C18orf54: variants seen among roughly 807,000 people sequenced by gnomAD.
C18orf54 encodes chromosome 18 open reading frame 54.
C18orf54 carries 49 observed loss-of-function variants against 49.3 expected under a neutral mutation model. The ratio of observed to expected loss-of-function variants is 0.99; its 90% confidence interval spans 0.79 to 1.26. The LOEUF is 1.26. Among genes scored for constraint, C18orf54 ranks in the 50% most tolerant of loss-of-function variants. The pLI is 0.00. For synonymous variants in C18orf54, 211 were observed against 216.6 expected, an observed-to-expected ratio of 0.97 and a Z score of 0.23; for missense variants, 687 against 620.6, an observed-to-expected ratio of 1.11 and a Z score of -1.14.
intron 8 of C18orf54, among the ~76,000 whole-genome samples, chr18:54,377,025 TAAATTTAA>T (rs2089586131): frequency 6.6e-6 from 1 of 151,498 alleles, no homozygotes; most frequent in Non-Finnish European, 1.5e-5. Flanking sequence ...GTTTTTTTTT[TAAATTTAA>T]TTTTGTTTTT....
At chr18:54,360,082 T>C (rs16958085) in intron 2 of C18orf54, among the ~76,000 whole-genome samples, 95 of 152,326 alleles carry the variant, frequency 6.2e-4, no homozygotes, top group African/African-American at 2.3e-3. Context: ...ATTTGATGGC[T>C]TTAAAAAATT....
At chr18:54,358,149 T>G (rs910757142) in intron 1 of C18orf54, 74 bp downstream of exon 1, 6 of 152,078 alleles carry the variant, frequency 3.9e-5, no homozygotes, top group African/African-American at 1.5e-4. Context: ...GAAAGGAGGG[T>G]GTCTTTTCGA....
In C18orf54 at chr18:54,362,312, T is replaced by C. The variant is rs1247731904; in HGVS notation, c.953T>C (p.Phe318Ser). The change falls in exon 4 of 9, where the codon TTT (phenylalanine) becomes TCT (serine). Residue 318 changes from phenylalanine to serine, a missense_variant. By Grantham distance (155) the Phe-to-Ser change is radical. Transcript: ENST00000620105. ...GAATATGCTTTTGAACCCTCAAACT[T>C]TTCAAATTCCTTGAGTGATGATAAA... ...CFEYAFEPSN[F>S]SNSLSDDKEL... is the part of the protein sequence containing the mutation. 2.5e-5 allele frequency: 38 copies of C among 1,536,254 alleles called. No homozygotes were observed. The highest frequency in any genetic ancestry group is 3.3e-5 in the Non-Finnish European group (38 of 1,146,894).
chr18:54,364,164 T>C (rs1426884921), intron 5 of C18orf54, among the ~76,000 whole-genome samples: 1 of 152,022 alleles, frequency 6.6e-6, no homozygotes, highest in African/African-American at 2.4e-5. Context: ...TTAAACTTGA[T>C]TTGATAATGA....
chr18:54,364,699 G>A (rs564707192), intron 5 of C18orf54, among the ~76,000 whole-genome samples: 2 of 67,514 alleles, frequency 3.0e-5, no homozygotes, highest in South Asian at 4.5e-4. Flanking sequence ...GAACCTCTGT[G>A]TACTCTTCAA....
intron 5 of C18orf54, among the ~76,000 whole-genome samples, chr18:54,364,330 A>T (rs142636808): frequency 1.5e-4 from 23 of 152,258 alleles, no homozygotes; most frequent in African/African-American, 4.3e-4. Flanking sequence ...GCTTAAAATT[A>T]TTGAATGCAC....
At position 54,360,512 on chromosome 18, in the gene C18orf54, G is replaced by A. The variant is rs118019249; in HGVS notation, c.-46-15G>A. On this transcript the variant is annotated splice_polypyrimidine_tract_variant and intron_variant, in intron 2 of 8. Coordinates refer to ENST00000620105, the MANE Select transcript of C18orf54 (RefSeq NM_001288980.2). ...CTTTTAATTGGCATCTTAACATTTC[G>A]TTTTTGTATTACAGTTGTTTTTAAG... 8.0e-3 allele frequency: 12,252 copies of A among 1,540,122 alleles called. 67 individuals carry two copies. The highest frequency in any genetic ancestry group is 9.9e-3 in the Non-Finnish European group (11,273 of 1,135,062).
Position 54,378,298 on chromosome 18 carries a change from G to C in C18orf54, c.*52G>C. On this transcript the variant is annotated 3_prime_UTR_variant, in exon 9 of 9. Coordinates refer to ENST00000620105, the MANE Select transcript of C18orf54 (RefSeq NM_001288980.2). The stretch of plus-strand genomic sequence containing the variant: ...TGAATAGTCACCACAGAACAAATAG[G>C]CATTTTTTCTATTACTTAAACTGAC... 1 of 1,473,070 alleles carries C rather than the reference G, an allele frequency of 6.8e-7. No individual in the cohort carries two copies. Among genetic ancestry groups the C allele is most frequent in the Admixed American group, 1.7e-5 (1 of 58,156 alleles). 91.2% of individuals were successfully genotyped at this position (1,473,070 alleles called of 1,614,324 possible).
At chr18:54,373,919 C>T (rs2089529286) in intron 7 of C18orf54, among the ~76,000 whole-genome samples, 1 of 151,808 alleles carries the variant, frequency 6.6e-6, no homozygotes, top group Non-Finnish European at 1.5e-5. Context: ...TTTCCCCTCT[C>T]ATTCTAAACA....
chr18:54,362,155 C>T lies in C18orf54; in HGVS notation c.796C>T (p.His266Tyr). 6.5e-7 allele frequency: 1 copy of T among 1,536,226 alleles called. No individual in the cohort carries two copies. Among genetic ancestry groups the T allele is most frequent in the Non-Finnish European group, 8.7e-7 (1 of 1,146,896 alleles). ...IPDFKYPVWL[H>Y]NQDLLPDANS... ...TGATTTCAAATACCCAGTCTGGCTGCACAATCAAGACTTGCTACCTGATGC... is the reference window on the plus strand; with the variant it reads ...TGATTTCAAATACCCAGTCTGGCTGTACAATCAAGACTTGCTACCTGATGC... Residue 266 changes from histidine (H) to tyrosine (Y), a missense_variant, in exon 4 of 9, where the codon CAC becomes TAC. By Grantham distance (83) the His-to-Tyr change is moderately conservative. Transcript: ENST00000620105.
intron 6 of C18orf54, among the ~76,000 whole-genome samples, chr18:54,367,592 T>C (rs1236411205): frequency 6.6e-6 from 1 of 152,184 alleles, no homozygotes; most frequent in Non-Finnish European, 1.5e-5. Flanking sequence ...CTACTGTCAG[T>C]CTAATGGGAA....
rs1193343892 is a variant in C18orf54, at chr18:54,374,250, G to A, written c.1495G>A (p.Glu499Lys). 6 of 1,584,208 alleles carry A rather than the reference G, an allele frequency of 3.8e-6. No homozygotes were observed. In the African/African-American group the frequency reaches 4.1e-5, roughly 11 times the overall value. The change falls in exon 8 of 9, where the codon GAA (glutamate) becomes AAA (lysine). Residue 499 changes from glutamate to lysine, a missense_variant. Coordinates refer to ENST00000620105, the MANE Select transcript of C18orf54 (RefSeq NM_001288980.2). ...TGATTTCTCTAAATTACAGTTGAAG[G>A]AAAGTATGATTCCTATTACTAGGTC... ...EDDFSKLQLK[E>K]SMIPITRSLQ...
intron 6 of C18orf54, among the ~76,000 whole-genome samples, chr18:54,367,785 G>GT (rs2089413392): frequency 6.6e-6 from 1 of 152,044 alleles, no homozygotes; most frequent in Non-Finnish European, 1.5e-5. Flanking sequence ...ATTTCATTAG[G>GT]TTTTCTGTGC....
chr18:54,365,098 T>A (rs1262572274), intron 5 of C18orf54, among the ~76,000 whole-genome samples: 9 of 151,934 alleles, frequency 5.9e-5, no homozygotes, highest in Admixed American at 5.9e-4. Context: ...GAAAATTAAT[T>A]CAGTTTATGC....
intron 5 of C18orf54, among the ~76,000 whole-genome samples, chr18:54,364,596 G>A (rs1021134012): frequency 5.3e-5 from 8 of 152,038 alleles, no homozygotes; most frequent in Admixed American, 2.0e-4. Flanking sequence ...ATTTTAAGTG[G>A]TAGAGCAAAA....
At chr18:54,373,756 T>C (rs2089527203) in intron 7 of C18orf54, among the ~76,000 whole-genome samples, 2 of 151,906 alleles carry the variant, frequency 1.3e-5, no homozygotes, top group South Asian at 2.1e-4. Context: ...TTTATTGTTA[T>C]TCAGTAGATC....
rs2089505445 is a variant in C18orf54, at chr18:54,372,539, C to T, written c.1400C>T (p.Ala467Val). 3 of 1,610,496 alleles carry T rather than the reference C, an allele frequency of 1.9e-6. No homozygotes were observed. The Admixed American group carries it at 5.0e-5, about 27-fold the overall frequency. The change falls in exon 7 of 9, where the codon GCA becomes GTA. Residue 467 changes from alanine to valine, a missense_variant. Coordinates refer to ENST00000620105, the MANE Select transcript of C18orf54 (RefSeq NM_001288980.2). ...AAACAAATGTTATTTAACCTTCAAGCAGTACAAGAACGTTTTAATCAAAAT... is the reference window on the plus strand; with the variant it reads ...AAACAAATGTTATTTAACCTTCAAGTAGTACAAGAACGTTTTAATCAAAAT... ...ALKQMLFNLQ[A>V]VQERFNQNKT...
rs544918205 is a variant in C18orf54 at position 54,378,229 on chromosome 18, C to T, written c.1585C>T (p.Arg529Trp). The T allele has an allele frequency of 3.3e-5, 54 of 1,613,130 alleles. No homozygotes were observed. Among genetic ancestry groups the T allele is most frequent in the South Asian group, 2.9e-4 (26 of 91,002 alleles). ...RDLVDDTNGE[R>W]SPKM ...CCTGGTTGATGATACGAATGGAGAA[C>T]GGTCACCGAAAATGTGAAGAGGAAA... The change falls in exon 9 of 9, where the codon CGG (arginine) becomes TGG (tryptophan). Residue 529 changes from arginine to tryptophan, a missense_variant. Arg to Trp is a moderately radical substitution (Grantham distance 101). Transcript: ENST00000620105.
intron 7 of C18orf54, among the ~76,000 whole-genome samples, chr18:54,373,505 CCTAA>C: frequency 6.6e-6 from 1 of 151,874 alleles, no homozygotes; most frequent in African/African-American, 2.4e-5. Flanking sequence ...ATTCTTCTCG[CCTAA>C]CTAAAATGTT....
Sources: gnomAD v4.1 joint callset for allele counts (sites outside exome capture counted in the v4.1 genomes callset) on GRCh38, gnomAD v4.1.1 for gene constraint, MANE v1.5 for transcripts, NCBI Gene and HGNC (gene_info 2026-07-23, HGNC 2026-07-21) for gene names.